SHISA6: variants seen among roughly 807,000 people sequenced by gnomAD.
The protein encoded by SHISA6 is shisa family member 6.
A neutral mutation model predicts 47.9 loss-of-function variants in SHISA6; 22 were observed. The observed-to-expected ratio is 0.46, with a 90% confidence interval of 0.33 to 0.66. The LOEUF is 0.66. SHISA6 is among the 30% of genes least tolerant of loss of function. The probability of loss-of-function intolerance (pLI) is 0.02; values close to 1 mark genes in which losing one functional copy is unlikely to be tolerated. For missense variants in SHISA6, 680 were observed against 764.6 expected (o/e 0.89, Z 1.30); for synonymous variants, 388 against 337.8 (o/e 1.15, Z -1.63).
chr17:11,242,997 G>A (rs1907429627), intron 1 of SHISA6, among the ~76,000 whole-genome samples: 1 of 152,000 alleles, frequency 6.6e-6, no homozygotes, highest in African/African-American at 2.4e-5. Context: ...TCATGTTGAT[G>A]GATGGCTGGA....
In SHISA6 at chr17:11,558,421, G is replaced by A; in HGVS notation, c.*117G>A. On this transcript the variant is annotated 3_prime_UTR_variant, in exon 6 of 6. Transcript: ENST00000441885. ...CCTTCCCTTGTCCCCTCTGTAGGAA[G>A]TGGGGGTGGGCCACCTTTGCCCAAA... 3 of 1,231,420 alleles carry A rather than the reference G, an allele frequency of 2.4e-6. No individual in the cohort carries two copies. Among genetic ancestry groups the A allele is most frequent in the Non-Finnish European group, 3.3e-6 (3 of 905,616 alleles). 76.3% of individuals were successfully genotyped at this position (1,231,420 alleles called of 1,614,324 possible).
intron 2 of SHISA6, among the ~76,000 whole-genome samples, chr17:11,319,021 T>C (rs1484695993): frequency 1.3e-5 from 2 of 152,078 alleles, no homozygotes; most frequent in African/African-American, 2.4e-5. Context: ...CAGCTCTTCA[T>C]TGGTTTTTGT....
intron 1 of SHISA6, among the ~76,000 whole-genome samples, chr17:11,255,636 T>C (rs1294731816): frequency 1.3e-5 from 2 of 152,192 alleles, no homozygotes; most frequent in African/African-American, 2.4e-5. Flanking sequence ...CAGAAACGGG[T>C]GTGTGGTCAT....
chr17:11,400,409 G>A lies in SHISA6; in HGVS notation c.895+20900G>A, dbSNP rs144856100. On this transcript the variant is annotated intron_variant, in intron 3 of 5. Coordinates refer to ENST00000441885, the MANE Select transcript of SHISA6 (RefSeq NM_207386.4). ...AGCTAAAACCTTGAACATAACTTCT[G>A]CTTCATTCTTTTGATACACACTCCT... Among the ~76,000 whole-genome samples, 389 of 152,220 alleles carry A rather than the reference G, an allele frequency of 2.6e-3. 2 individuals carry two copies. Among genetic ancestry groups the A allele is most frequent in the African/African-American group, 9.0e-3 (372 of 41,532 alleles).
intron 3 of SHISA6, among the ~76,000 whole-genome samples, chr17:11,483,300 T>TAA (rs59166425): frequency 8.5e-4 from 118 of 138,680 alleles, no homozygotes; most frequent in East Asian, 2.9e-3. Context: ...AAACTCCGTC[T>TAA]AAAAAAAAAA....
At chr17:11,382,968 A>C (rs1913069621) in intron 3 of SHISA6, among the ~76,000 whole-genome samples, 1 of 115,028 alleles carries the variant, frequency 8.7e-6, no homozygotes, top group African/African-American at 3.5e-5. Flanking sequence ...ACGGAGTCTC[A>C]CTCTGCCACC....
At chr17:11,348,538 G>A (rs2142218554) in intron 2 of SHISA6, among the ~76,000 whole-genome samples, 1 of 152,064 alleles carries the variant, frequency 6.6e-6, no homozygotes, top group South Asian at 2.1e-4. Flanking sequence ...AATAATTATA[G>A]AACCATCTTT....
rs557236362 is a variant in SHISA6, at chr17:11,320,721, G to A, written c.799+57195G>A. On this transcript the variant is annotated intron_variant, in intron 2 of 5. Transcript: ENST00000441885. The stretch of plus-strand genomic sequence containing the variant: ...CCAAGGAGGAGGAGGAGCAGCAGCA[G>A]CCGGAGCAAAACACAGGCAACTAAA... 3.3e-5 allele frequency among the ~76,000 whole-genome samples: 5 copies of A among 152,160 alleles called. No homozygotes were observed. In the East Asian group the frequency reaches 7.8e-4, roughly 24 times the overall value.
At chr17:11,496,522 G>T (rs951775128) in intron 3 of SHISA6, among the ~76,000 whole-genome samples, 1 of 151,980 alleles carries the variant, frequency 6.6e-6, no homozygotes, top group African/African-American at 2.4e-5. Flanking sequence ...GGTGAATCAC[G>T]AGGTCAGGAG....
chr17:11,542,397 G>A (rs1408782979), intron 3 of SHISA6, among the ~76,000 whole-genome samples: 2 of 149,038 alleles, frequency 1.3e-5, no homozygotes, highest in Admixed American at 6.7e-5. Flanking sequence ...CTTCAAAAAT[G>A]AAGGTGAAAT....
intron 3 of SHISA6, among the ~76,000 whole-genome samples, chr17:11,514,480 G>T (rs548868770): frequency 5.3e-5 from 8 of 152,140 alleles, no homozygotes; most frequent in Non-Finnish European, 1.0e-4. Context: ...CATTTTAGCC[G>T]CTCTGAAATG....
At chr17:11,372,833 G>C (rs1241235889) in intron 2 of SHISA6, among the ~76,000 whole-genome samples, 2 of 152,072 alleles carry the variant, frequency 1.3e-5, no homozygotes, top group African/African-American at 4.8e-5. Flanking sequence ...CTCTCAGCTT[G>C]TCAGAGGCCA....
chr17:11,407,498 T>TC (rs1567597710), intron 3 of SHISA6, among the ~76,000 whole-genome samples: 1 of 152,014 alleles, frequency 6.6e-6, no homozygotes, highest in African/African-American at 2.4e-5. Flanking sequence ...ATATTGTTTT[T>TC]TTTTTCCTTT....
At chr17:11,521,750 C>G (rs2071631732) in intron 3 of SHISA6, among the ~76,000 whole-genome samples, 1 of 152,080 alleles carries the variant, frequency 6.6e-6, no homozygotes. Flanking sequence ...GTGCAGTGAG[C>G]TAGGATCACG....
intron 3 of SHISA6, among the ~76,000 whole-genome samples, chr17:11,398,382 A>G (rs888189444): frequency 8.5e-5 from 13 of 152,156 alleles, no homozygotes; most frequent in African/African-American, 3.1e-4. Context: ...TTCGTCTTAC[A>G]GGATGCCACT....
At chr17:11,411,435 A>G (rs191995696) in intron 3 of SHISA6, among the ~76,000 whole-genome samples, 292 of 148,170 alleles carry the variant, frequency 2.0e-3, no homozygotes, top group Non-Finnish European at 3.4e-3. Flanking sequence ...CTCACTCTGT[A>G]GCCCAGGCTG....
chr17:11,359,818 A>T (rs1387709407), intron 2 of SHISA6, among the ~76,000 whole-genome samples: 3 of 152,194 alleles, frequency 2.0e-5, no homozygotes, highest in Admixed American at 1.3e-4. Context: ...CAAAAAACAA[A>T]CAAGAATCTC....
chr17:11,384,926 G>A (rs1011608348), intron 3 of SHISA6, among the ~76,000 whole-genome samples: 2 of 152,216 alleles, frequency 1.3e-5, no homozygotes, highest in Non-Finnish European at 2.9e-5. Flanking sequence ...TTGTAGGAGC[G>A]ATTGCCCGTT....
chr17:11,296,336 TA>T (rs1717897927), intron 2 of SHISA6, among the ~76,000 whole-genome samples: 1 of 152,010 alleles, frequency 6.6e-6, no homozygotes, highest in Non-Finnish European at 1.5e-5. Flanking sequence ...AGAAAGAAGA[TA>T]GGGGCTTAGA....
Sources: allele counts gnomAD v4.1 joint callset (sites outside exome capture counted in the v4.1 genomes callset), GRCh38; gene constraint gnomAD v4.1.1; transcripts MANE v1.5; gene names NCBI Gene and HGNC (gene_info 2026-07-23, HGNC 2026-07-21).